FOXP2: variants seen among roughly 807,000 people sequenced by gnomAD.
The protein encoded by FOXP2 is forkhead box P2, also known as forkhead box protein P2.
A neutral mutation model predicts 115.8 loss-of-function variants in FOXP2; 12 were observed. The ratio of observed to expected loss-of-function variants is 0.10; its 90% CI spans 0.07 to 0.17. The LOEUF is 0.17. Among genes scored for constraint, FOXP2 ranks in the 10% least tolerant of loss-of-function variants. The pLI is 1.00. For synonymous variants in FOXP2, 328 were observed against 297.7 expected (o/e 1.10, Z -1.05); for missense variants, 629 against 843.5 (o/e 0.75, Z 3.15).
intron 2 of FOXP2, among the ~76,000 whole-genome samples, chr7:114,464,095 T>A (rs1368440093): frequency 4.6e-5 from 7 of 152,202 alleles, no homozygotes; most frequent in Admixed American, 4.6e-4. Flanking sequence ...ACAAATTTTA[T>A]TCCCCTGTAA....
chr7:114,183,927 A>G (rs1013548068), intron 1 of FOXP2, among the ~76,000 whole-genome samples: 2 of 152,180 alleles, frequency 1.3e-5, no homozygotes, highest in African/African-American at 2.4e-5. Context: ...ATCAGTTGCC[A>G]GAAGATTAGT....
intron 1 of FOXP2, among the ~76,000 whole-genome samples, chr7:114,268,143 T>G (rs1795943251): frequency 6.6e-6 from 1 of 152,220 alleles, no homozygotes; most frequent in South Asian, 2.1e-4. Context: ...ATAGTATATG[T>G]CAGAATTTCT....
At chr7:114,241,478 T>C (rs1795150473) in intron 1 of FOXP2, among the ~76,000 whole-genome samples, 1 of 152,098 alleles carries the variant, frequency 6.6e-6, no homozygotes, top group Admixed American at 6.5e-5. Context: ...TATGTAGGGC[T>C]AAGGAATTAA....
At chr7:114,514,367 C>T (rs1273046846) in intron 2 of FOXP2, among the ~76,000 whole-genome samples, 1 of 151,880 alleles carries the variant, frequency 6.6e-6, no homozygotes, top group African/African-American at 2.4e-5. Flanking sequence ...AAATTTATTC[C>T]TCCTGTCTAA....
chr7:114,610,735 C>T (rs1452418301), intron 3 of FOXP2, among the ~76,000 whole-genome samples: 1 of 151,226 alleles, frequency 6.6e-6, no homozygotes, highest in East Asian at 1.9e-4. Flanking sequence ...AGTGCAGTGG[C>T]ACAGCCCTCT....
At chr7:114,628,510 A>ATTTTCT in intron 3 of FOXP2, 30 bp from the exon 4 acceptor site, 4 of 1,613,390 alleles carry the variant, frequency 2.5e-6, no homozygotes, top group Non-Finnish European at 2.5e-6. Flanking sequence ...ATGACCACGA[A>ATTTTCT]TTTTCTTTCT....
intron 2 of FOXP2, among the ~76,000 whole-genome samples, chr7:114,371,571 G>C (rs2129189545): frequency 6.6e-6 from 1 of 152,060 alleles, no homozygotes; most frequent in South Asian, 2.1e-4. Context: ...CCCTGCATTT[G>C]GATTATATTT....
At chr7:114,133,249 A>T (rs1791941100) in intron 1 of FOXP2, among the ~76,000 whole-genome samples, 1 of 152,180 alleles carries the variant, frequency 6.6e-6, no homozygotes, top group South Asian at 2.1e-4. Flanking sequence ...CCTTTTTCTG[A>T]GATGGGTAAG....
chr7:114,668,745 G>C (rs1394745021), intron 16 of FOXP2: 1 of 152,160 alleles, frequency 6.6e-6, no homozygotes, highest in Non-Finnish European at 1.5e-5. Context: ...CTTAAAGACA[G>C]ATTATGTTTT....
At chr7:114,152,709 G>A (rs758941233) in intron 1 of FOXP2, among the ~76,000 whole-genome samples, 10 of 152,134 alleles carry the variant, frequency 6.6e-5, no homozygotes, top group Non-Finnish European at 1.3e-4. Context: ...AAGACTGCCC[G>A]TGATTTGGAG....
chr7:114,542,585 T>G (rs895818805), intron 3 of FOXP2, among the ~76,000 whole-genome samples: 5 of 152,138 alleles, frequency 3.3e-5, no homozygotes, highest in Admixed American at 1.3e-4. Flanking sequence ...TTCCTTAATC[T>G]TTTGGTCTGC....
chr7:114,095,746 A>G (rs1799634277), intron 1 of FOXP2, among the ~76,000 whole-genome samples: 1 of 152,196 alleles, frequency 6.6e-6, no homozygotes, highest in South Asian at 2.1e-4. Flanking sequence ...CGAGAAATCA[A>G]GTGGGGAGTG....
At chr7:114,317,422 G>A (rs1396025818) in intron 2 of FOXP2, among the ~76,000 whole-genome samples, 2 of 152,164 alleles carry the variant, frequency 1.3e-5, no homozygotes, top group Admixed American at 1.3e-4. Context: ...TTTAAACCTT[G>A]CAGTGCTTTG....
chr7:114,189,698 T>A (rs886800910), intron 1 of FOXP2, among the ~76,000 whole-genome samples: 1 of 152,188 alleles, frequency 6.6e-6, no homozygotes, highest in Non-Finnish European at 1.5e-5. Context: ...TTGGGAGACG[T>A]CACTGGGTCA....
chr7:114,401,840 G>T (rs898304003), intron 2 of FOXP2, among the ~76,000 whole-genome samples: 2 of 152,188 alleles, frequency 1.3e-5, no homozygotes, highest in Admixed American at 1.3e-4. Context: ...GGATATAGAG[G>T]CCAGGCATGG....
At chr7:114,557,910 A>G (rs1800546996) in intron 3 of FOXP2, among the ~76,000 whole-genome samples, 1 of 151,858 alleles carries the variant, frequency 6.6e-6, no homozygotes, top group Non-Finnish European at 1.5e-5. Flanking sequence ...CCCGGGTTCA[A>G]GCAGTTCTCT....
chr7:114,402,356 C>T (rs1315295924), intron 2 of FOXP2, among the ~76,000 whole-genome samples: 2 of 152,028 alleles, frequency 1.3e-5, no homozygotes, highest in Admixed American at 6.6e-5. Context: ...ATGATATTTT[C>T]ACTGTCAAGA....
chr7:114,160,378 C>A (rs1792796502), upstream of FOXP2, among the ~76,000 whole-genome samples: 2 of 151,914 alleles, frequency 1.3e-5, no homozygotes, highest in South Asian at 4.2e-4. Context: ...AAGAAGAGTT[C>A]TTTATAGGTT....
At chr7:114,673,634 T>C (rs1381153178) in intron 16 of FOXP2, among the ~76,000 whole-genome samples, 1 of 152,196 alleles carries the variant, frequency 6.6e-6, no homozygotes, top group Non-Finnish European at 1.5e-5. Context: ...TACATATATA[T>C]GCATGCAGTT....
Sources: allele counts gnomAD v4.1 joint callset (sites outside exome capture counted in the v4.1 genomes callset), GRCh38; gene constraint gnomAD v4.1.1; transcripts MANE v1.5; gene names NCBI Gene and HGNC (gene_info 2026-07-23, HGNC 2026-07-21).